The following CHD1L variants were observed in gnomAD, a reference collection of about 807,000 sequenced individuals.
CHD1L encodes the protein chromodomain helicase DNA binding protein 1 like, also known as ATP-dependent chromatin remodeler CHD1L.
A neutral mutation model predicts 115.9 loss-of-function variants in CHD1L; 118 were observed. That is an observed-to-expected ratio of 1.02 (90% CI 0.88 to 1.19). The LOEUF (loss-of-function observed/expected upper bound fraction) is 1.19, where lower values mean the gene tolerates loss of function less well. CHD1L is among the 50% of genes most tolerant of loss of function. The probability of loss-of-function intolerance (pLI) is 0.00; values close to 1 mark genes in which losing one functional copy is unlikely to be tolerated. For missense variants in CHD1L, 1,179 were observed against 1,065.3 expected (o/e 1.11, Z -1.49); for synonymous variants, 411 against 387.1 (o/e 1.06, Z -0.72).
chr1:147,266,005 C>T lies in CHD1L; in HGVS notation c.813C>T (p.Pro271=), dbSNP rs782479588. 2.5e-6 allele frequency: 4 copies of T among 1,613,718 alleles called. No homozygotes were observed. The East Asian group carries it at 6.7e-5, about 27-fold the overall frequency. The part of the protein sequence containing the change: ...RVKAEVATEL[P]KKTEVVIYHG... ...AAGCTGAGGTAGCTACAGAGCTTCC[C>T]AAGAAGACAGAAGTAGTGATATACC... Residue 271 remains proline, a synonymous_variant, in exon 8 of 23, where the codon CCC becomes CCT. Transcript: ENST00000369258.
chr1:147,222,099 G>A, the CHD1L span, among the ~76,000 whole-genome samples: 24 of 152,190 alleles, frequency 1.6e-4, no homozygotes, highest in Non-Finnish European at 2.9e-4. Context: ...GCTAGGCACG[G>A]TGGCTCATGC....
At chr1:147,243,624 C>CCT (rs1665637250) in intron 1 of CHD1L, among the ~76,000 whole-genome samples, 1 of 152,114 alleles carries the variant, frequency 6.6e-6, no homozygotes, top group African/African-American at 2.4e-5. Context: ...ACCGCCCCAG[C>CCT]CTCGTTTTCC....
chr1:147,204,973 A>C, the CHD1L span: 32 of 1,205,650 alleles, frequency 2.7e-5, no homozygotes, highest in South Asian at 3.9e-4. Flanking sequence ...CGCTCAGAAG[A>C]CCGCGGAGGA....
chr1:147,246,067 C>T (rs151132185), intron 1 of CHD1L, among the ~76,000 whole-genome samples: 89 of 152,304 alleles, frequency 5.8e-4, no homozygotes, highest in Middle Eastern at 3.4e-3. Context: ...CTCACCAATT[C>T]CTTAACCCCT....
chr1:147,175,383 C>G, the CHD1L span: 1 of 152,128 alleles, frequency 6.6e-6, no homozygotes, highest in South Asian at 2.1e-4. Context: ...TGTGTCCCCA[C>G]CCAAATCTCA....
chr1:147,191,398 C>T, the CHD1L span, among the ~76,000 whole-genome samples: 190 of 152,020 alleles, frequency 1.2e-3, no homozygotes, highest in African/African-American at 4.5e-3. Context: ...AGATGGTATC[C>T]CATTGTGGTT....
At chr1:147,196,032 C>T in the CHD1L span, among the ~76,000 whole-genome samples, 2 of 152,154 alleles carry the variant, frequency 1.3e-5, no homozygotes, top group African/African-American at 2.4e-5. Context: ...AATGTTAATA[C>T]ATGACAGCTC....
In CHD1L at chr1:147,252,650, A is replaced by C; in HGVS notation, c.155A>C (p.Glu52Ala). Residue 52 changes from glutamate (E) to alanine (A), a missense_variant, in exon 2 of 23, where the codon GAG becomes GCG. Physicochemically the swap from Glu to Ala is moderately radical, Grantham distance 107. Transcript: ENST00000369258. ...TGIHLRSYQLEGVNWLAQRFH... is the reference protein window; with the variant it reads ...TGIHLRSYQLAGVNWLAQRFH... ...ATTCACCTACGCTCTTACCAGCTGG[A>C]GGGAGTAAACTGGCTCGCCCAGCGC... 1 of 1,613,980 alleles carries C rather than the reference A, an allele frequency of 6.2e-7. No homozygotes were observed. The highest frequency in any genetic ancestry group is 8.5e-7 in the Non-Finnish European group (1 of 1,179,974).
At chr1:147,271,949 T>C (rs1417452755) in intron 11 of CHD1L, among the ~76,000 whole-genome samples, 15 of 152,258 alleles carry the variant, frequency 9.9e-5, no homozygotes, top group African/African-American at 2.4e-4. Flanking sequence ...TTCAACTGCA[T>C]GTATTTAAAA....
At chr1:147,290,808 CA>C (rs1301552247) in intron 19 of CHD1L, among the ~76,000 whole-genome samples, 1 of 151,822 alleles carries the variant, frequency 6.6e-6, no homozygotes, top group Non-Finnish European at 1.5e-5. Context: ...TTCACAACAC[CA>C]AACCTAACTT....
At chr1:147,278,222 G>GTTTTTTTTTTTTTTTTTTTTTTTTGGT (rs71083825) in intron 14 of CHD1L, among the ~76,000 whole-genome samples, 2 of 91,130 alleles carry the variant, frequency 2.2e-5, no homozygotes, top group Admixed American at 1.6e-4. Context: ...TGTTTTTTGG[G>GTTTTTTTTTTTTTTTTTTTTTTTTGGT]TTTTTTTTTT....
At position 147,280,130 on chromosome 1, in the gene CHD1L, C is replaced by T; in HGVS notation, c.1644C>T (p.Gly548=). The T allele has an allele frequency of 6.2e-7, 1 of 1,613,252 alleles. No homozygotes were observed. The highest frequency in any genetic ancestry group is 1.1e-5 in the South Asian group (1 of 90,934). ...LESILGETKD[G]QWVSDALPAA... is the part of the protein sequence containing the mutation. ...CCATCCTGGGAGAAACAAAAGATGG[C>T]CAGTGGGTCTCTGATGCCTTGCCTG... The change falls in exon 15 of 23, where the codon GGC becomes GGT. Residue 548 remains glycine (G), a synonymous_variant. Transcript: ENST00000369258.
At chr1:147,203,703 T>C in the CHD1L span, 120,679 of 1,506,796 alleles carry the variant, frequency 0.08, 5,555 homozygotes, top group African/African-American at 0.16. Flanking sequence ...GCTCCACCTC[T>C]GGGTACAAGA....
At chr1:147,257,618 T>C (rs1313269736) in intron 5 of CHD1L, among the ~76,000 whole-genome samples, 3 of 152,168 alleles carry the variant, frequency 2.0e-5, no homozygotes, top group Admixed American at 6.5e-5. Context: ...CATAGCAATA[T>C]ATGGGAAGTC....
chr1:147,273,409 G>A (rs1553954902), intron 12 of CHD1L, among the ~76,000 whole-genome samples: 1 of 152,166 alleles, frequency 6.6e-6, no homozygotes, highest in African/African-American at 2.4e-5. Flanking sequence ...TGAAAGAAGT[G>A]TTAGATATAA....
chr1:147,233,714 G>T, the CHD1L span, among the ~76,000 whole-genome samples: 1 of 152,122 alleles, frequency 6.6e-6, no homozygotes. Context: ...GTAGAAAGAA[G>T]TAGACATGGG....
At chr1:147,215,880 C>A in the CHD1L span, 1 of 1,613,612 alleles carries the variant, frequency 6.2e-7, no homozygotes, top group East Asian at 2.2e-5. Flanking sequence ...AGCACATCAT[C>A]TCTTTAGAAG....
At chr1:147,290,530 TA>T (rs147795010) in intron 19 of CHD1L, among the ~76,000 whole-genome samples, 2,111 of 152,320 alleles carry the variant, frequency 0.014, 33 homozygotes, top group Non-Finnish European at 0.02. Flanking sequence ...TATTTTTATG[TA>T]AGCTTGCCAG....
At chr1:147,255,785 GT>G (rs781830545) in intron 3 of CHD1L, 27 bp from the exon 4 acceptor site, 1 of 1,508,296 alleles carries the variant, frequency 6.6e-7, no homozygotes, top group South Asian at 1.1e-5. Context: ...TAGTATTTAT[GT>G]TTATCTACTT....
Sources: allele counts gnomAD v4.1 joint callset (sites outside exome capture counted in the v4.1 genomes callset), GRCh38; gene constraint gnomAD v4.1.1; transcripts MANE v1.5; gene names NCBI Gene and HGNC (gene_info 2026-07-23, HGNC 2026-07-21).